The following HERC3 variants were observed in gnomAD, a reference collection of about 807,000 sequenced individuals.
The protein encoded by HERC3 is HECT and RLD domain containing E3 ubiquitin protein ligase 3.
In HERC3, 58 loss-of-function variants were observed where a neutral mutation model predicts 129.9. The observed-to-expected ratio is 0.45, with a 90% CI of 0.36 to 0.56. The LOEUF (loss-of-function observed/expected upper bound fraction) is 0.56. Ranked by LOEUF, HERC3 falls within the 20% of genes least tolerant of loss-of-function variation. The pLI is 0.00. For synonymous variants in HERC3, 430 were observed against 451.0 expected, an observed-to-expected ratio of 0.95 and a Z score of 0.59; for missense variants, 835 against 1,244.2, an observed-to-expected ratio of 0.67 and a Z score of 4.95.
chr4:88,603,204 C>CTTT (rs1191378063), intron 2 of HERC3, among the ~76,000 whole-genome samples: 3 of 131,062 alleles, frequency 2.3e-5, no homozygotes, highest in East Asian at 2.2e-4. Context: ...ATCGCTTTCT[C>CTTT]TTTTTTTTTT....
At chr4:88,523,904 G>A in the HERC3 span, 1 of 549,220 alleles carries the variant, frequency 1.8e-6, no homozygotes, top group Non-Finnish European at 3.1e-6. Context: ...TCTATAGTCC[G>A]GAGGACAGCC....
chr4:88,588,487 C>A (rs1014519195), upstream of HERC3, among the ~76,000 whole-genome samples: 1 of 152,206 alleles, frequency 6.6e-6, no homozygotes, highest in African/African-American at 2.4e-5. Context: ...ACACCTTTGT[C>A]ATTACATAAC....
the HERC3 span, among the ~76,000 whole-genome samples, chr4:88,586,208 A>G: frequency 6.6e-6 from 1 of 152,240 alleles, no homozygotes; most frequent in Non-Finnish European, 1.5e-5. Flanking sequence ...GTTAAATGAC[A>G]GCATATCCGT....
At chr4:88,677,425 T>C (rs1394641292) in intron 18 of HERC3, among the ~76,000 whole-genome samples, 1 of 152,090 alleles carries the variant, frequency 6.6e-6, no homozygotes, top group Non-Finnish European at 1.5e-5. Flanking sequence ...TACAGATACA[T>C]AACTTCATTT....
At chr4:88,614,043 T>C (rs1182932399) in intron 3 of HERC3, among the ~76,000 whole-genome samples, 1 of 152,218 alleles carries the variant, frequency 6.6e-6, no homozygotes, top group Non-Finnish European at 1.5e-5. Context: ...ATGAGCATAC[T>C]TGTTAGTGTG....
chr4:88,697,485 T>C (rs755728167), intron 23 of HERC3: 2 of 1,614,056 alleles, frequency 1.2e-6, no homozygotes, highest in African/African-American at 1.3e-5. Flanking sequence ...TCTTATCGCA[T>C]CGCTTCTGCA....
the HERC3 span, among the ~76,000 whole-genome samples, chr4:88,572,617 T>C: frequency 6.6e-6 from 1 of 151,078 alleles, no homozygotes; most frequent in African/African-American, 2.4e-5. Context: ...GAGACCATCC[T>C]GGCCAACATG....
chr4:88,579,219 TA>T, the HERC3 span, among the ~76,000 whole-genome samples: 96 of 117,044 alleles, frequency 8.2e-4, 1 homozygote, highest in East Asian at 1.5e-3. Flanking sequence ...CTGTCTCTAC[TA>T]AAAAAAAAAA....
intron 3 of HERC3, among the ~76,000 whole-genome samples, chr4:88,620,199 C>T (rs755107128): frequency 8.5e-5 from 13 of 152,096 alleles, no homozygotes; most frequent in Non-Finnish European, 1.6e-4. Flanking sequence ...ATAAATATAA[C>T]GGGTCACAAG....
the HERC3 span, among the ~76,000 whole-genome samples, chr4:88,557,692 CTTTTA>C: frequency 6.6e-6 from 1 of 152,122 alleles, no homozygotes; most frequent in African/African-American, 2.4e-5. Context: ...AAAGGGAACA[CTTTTA>C]CAATGCTAGT....
At chr4:88,527,754 T>A in the HERC3 span, 1 of 318,078 alleles carries the variant, frequency 3.1e-6, no homozygotes, top group Non-Finnish European at 6.2e-6. Flanking sequence ...GGTGCCTGCT[T>A]ATGTCCTTGT....
At chr4:88,680,328 G>A in intron 20 of HERC3, 92 bp downstream of exon 20, 2 of 880,492 alleles carry the variant, frequency 2.3e-6, no homozygotes, top group South Asian at 2.1e-5. Context: ...CTTTGCAAAG[G>A]GGAACATAAC....
At chr4:88,587,504 TAAC>T (rs1451232064), upstream of HERC3, among the ~76,000 whole-genome samples, 3 of 152,230 alleles carry the variant, frequency 2.0e-5, no homozygotes, top group African/African-American at 7.2e-5. Flanking sequence ...TATTACGTAA[TAAC>T]AACAAACCAT....
the HERC3 span, among the ~76,000 whole-genome samples, chr4:88,569,972 G>A: frequency 2.7e-4 from 41 of 152,228 alleles, no homozygotes; most frequent in Non-Finnish European, 2.6e-4. Context: ...TCTGTGTCCA[G>A]TGCAGTGCCC....
At chr4:88,543,312 C>G in the HERC3 span, among the ~76,000 whole-genome samples, 1 of 152,162 alleles carries the variant, frequency 6.6e-6, no homozygotes, top group Admixed American at 6.5e-5. Context: ...AGAGCCAAAT[C>G]ATGAGTGAAC....
the HERC3 span, among the ~76,000 whole-genome samples, chr4:88,583,462 A>G: frequency 6.6e-6 from 1 of 152,102 alleles, no homozygotes; most frequent in South Asian, 2.1e-4. Flanking sequence ...AGTAAAAAAA[A>G]TGTAATTATA....
At chr4:88,579,232 A>AATATATATATATATAT in the HERC3 span, among the ~76,000 whole-genome samples, 35 of 104,080 alleles carry the variant, frequency 3.4e-4, no homozygotes, top group African/African-American at 1.6e-3. Context: ...AAAAAAAAAA[A>AATATATATATATATAT]ATATATATAT....
At chr4:88,696,325 G>C (rs1050809127) in intron 23 of HERC3, 3 of 152,578 alleles carry the variant, frequency 2.0e-5, no homozygotes, top group African/African-American at 7.2e-5. Context: ...GACGTCACAA[G>C]GCGCAAAGTA....
intron 3 of HERC3, among the ~76,000 whole-genome samples, chr4:88,633,010 A>G (rs1461420002): frequency 6.6e-6 from 1 of 152,226 alleles, no homozygotes; most frequent in East Asian, 1.9e-4. Flanking sequence ...CACATTACAT[A>G]TAAGGAAACA....
Sources: gnomAD v4.1 joint callset for allele counts (sites outside exome capture counted in the v4.1 genomes callset) on GRCh38, gnomAD v4.1.1 for gene constraint, MANE v1.5 for transcripts, NCBI Gene and HGNC (gene_info 2026-07-23, HGNC 2026-07-21) for gene names.